LPP: variants seen among roughly 807,000 people sequenced by gnomAD.
LPP encodes LIM domain containing preferred translocation partner in lipoma.
LPP carries 38 observed loss-of-function variants against 60.4 expected under a neutral mutation model. The ratio of observed to expected loss-of-function variants is 0.63; its 90% CI spans 0.49 to 0.83. The LOEUF is 0.83. LPP is among the 40% of genes least tolerant of loss of function. LPP has a pLI of 0.00. For missense variants in LPP, 902 were observed against 783.6 expected, an observed-to-expected ratio of 1.15 and a Z score of -1.80; for synonymous variants, 328 against 290.8, an observed-to-expected ratio of 1.13 and a Z score of -1.30.
At chr3:188,461,071 T>C (rs1210690157) in intron 4 of LPP, among the ~76,000 whole-genome samples, 1 of 152,148 alleles carries the variant, frequency 6.6e-6, no homozygotes, top group Non-Finnish European at 1.5e-5. Context: ...TATGCCAGAA[T>C]ACAGAACTTA....
intron 5 of LPP, among the ~76,000 whole-genome samples, chr3:188,489,762 T>C (rs1807758372): frequency 6.6e-6 from 1 of 152,202 alleles, no homozygotes; most frequent in East Asian, 1.9e-4. Flanking sequence ...TGACATCTGA[T>C]GGCTTTGAAT....
At chr3:188,487,417 T>G (rs1806879140) in intron 5 of LPP, among the ~76,000 whole-genome samples, 1 of 152,194 alleles carries the variant, frequency 6.6e-6, no homozygotes, top group African/African-American at 2.4e-5. Context: ...TTCTGTTAGA[T>G]GTACTCAAGC....
chr3:188,344,335 A>C (rs1206856422), intron 3 of LPP, among the ~76,000 whole-genome samples: 1 of 152,230 alleles, frequency 6.6e-6, no homozygotes, highest in African/African-American at 2.4e-5. Flanking sequence ...AGTAGTTATA[A>C]GTGAAATTAC....
intron 2 of LPP, among the ~76,000 whole-genome samples, chr3:188,227,050 A>G (rs1043868022): frequency 6.6e-6 from 1 of 152,090 alleles, no homozygotes; most frequent in Non-Finnish European, 1.5e-5. Context: ...AGTGTTTATA[A>G]TTAAACTGTG....
In LPP at chr3:188,234,610, A is replaced by G. The variant is rs954429276; in HGVS notation, c.-67+9083A>G. Among the ~76,000 whole-genome samples, 9 of 152,324 alleles carry G rather than the reference A, an allele frequency of 5.9e-5. No homozygotes were observed. In the South Asian group the frequency reaches 1.9e-3, roughly 32 times the overall value. Reference sequence around the variant, plus strand: ...TTTAGAAGCTGATTCTCTGACACAGAGATGGTTAAAAGCTACACATTTGAC... The same window carrying G: ...TTTAGAAGCTGATTCTCTGACACAGGGATGGTTAAAAGCTACACATTTGAC... On this transcript the variant is annotated intron_variant, in intron 2 of 11. Transcript: ENST00000617246.
chr3:188,358,423 A>C (rs1048786078), intron 3 of LPP, among the ~76,000 whole-genome samples: 2 of 152,224 alleles, frequency 1.3e-5, no homozygotes, highest in Non-Finnish European at 2.9e-5. Flanking sequence ...TGAAGGCGAG[A>C]CAACACACAA....
At chr3:188,325,076 G>A (rs1758038240) in intron 2 of LPP, among the ~76,000 whole-genome samples, 1 of 152,028 alleles carries the variant, frequency 6.6e-6, no homozygotes, top group Non-Finnish European at 1.5e-5. Context: ...CACCTTCTGG[G>A]TTCAAGCAAT....
chr3:188,247,948 A>T (rs1414145295), intron 2 of LPP, among the ~76,000 whole-genome samples: 1 of 152,186 alleles, frequency 6.6e-6, no homozygotes, highest in Non-Finnish European at 1.5e-5. Flanking sequence ...ACATATTAAA[A>T]TCTTCAGAGG....
intron 3 of LPP, among the ~76,000 whole-genome samples, chr3:188,392,943 A>G (rs867889888): frequency 2.6e-5 from 4 of 152,144 alleles, no homozygotes; most frequent in African/African-American, 9.7e-5. Context: ...TGTAACCCCA[A>G]TTTAGAAATG....
chr3:188,301,048 A>G (rs1420182043), intron 2 of LPP, among the ~76,000 whole-genome samples: 1 of 151,796 alleles, frequency 6.6e-6, no homozygotes, highest in Non-Finnish European at 1.5e-5. Context: ...CCCTAGTTCC[A>G]TCCTTCCTTT....
At chr3:188,599,793 G>A (rs1840755289) in intron 6 of LPP, among the ~76,000 whole-genome samples, 1 of 88,428 alleles carries the variant, frequency 1.1e-5, no homozygotes, top group South Asian at 3.9e-4. Flanking sequence ...TGTGTGTGGT[G>A]TGTGCTTTAT....
chr3:188,437,642 A>C (rs1459901364), intron 4 of LPP, among the ~76,000 whole-genome samples: 2 of 152,194 alleles, frequency 1.3e-5, no homozygotes, highest in Non-Finnish European at 2.9e-5. Context: ...TTCACTTAAT[A>C]CTACAGAATA....
intron 4 of LPP, among the ~76,000 whole-genome samples, chr3:188,440,213 G>A (rs1256118853): frequency 6.6e-6 from 1 of 152,178 alleles, no homozygotes; most frequent in African/African-American, 2.4e-5. Context: ...TGTTTAGTAT[G>A]TTTGGTAAAT....
At chr3:188,292,397 A>G (rs1746300436) in intron 2 of LPP, among the ~76,000 whole-genome samples, 1 of 152,224 alleles carries the variant, frequency 6.6e-6, no homozygotes, top group Non-Finnish European at 1.5e-5. Context: ...AAGGTGGTCA[A>G]TACCTCTACA....
intron 2 of LPP, among the ~76,000 whole-genome samples, chr3:188,297,701 G>A (rs926128143): frequency 6.6e-6 from 1 of 152,136 alleles, no homozygotes; most frequent in Non-Finnish European, 1.5e-5. Context: ...AAAGGACACT[G>A]GGGCTAGGTT....
At chr3:188,505,759 G>A (rs1579441670) in intron 5 of LPP, among the ~76,000 whole-genome samples, 1 of 152,110 alleles carries the variant, frequency 6.6e-6, no homozygotes, top group East Asian at 1.9e-4. Context: ...CATCATCCTA[G>A]TTCATATCTT....
In LPP at chr3:188,225,542, CA is replaced by C. The variant is rs980641050; in HGVS notation, c.-67+20del. ...TTCCTCAATTGGTGAGTCCCGCACA[CA>C]AAAAGAACACATTTGCCTTTTAAAA... On this transcript the variant is annotated intron_variant, in intron 2 of 11. Coordinates refer to ENST00000617246, the MANE Select transcript of LPP (RefSeq NM_001375462.1). 8 of 152,282 alleles carry C rather than the reference CA, an allele frequency of 5.3e-5. No homozygotes were observed. Among genetic ancestry groups the C allele is most frequent in the African/African-American group, 1.4e-4 (6 of 41,562 alleles). 9.4% of individuals were successfully genotyped at this position (152,282 alleles called of 1,614,324 possible). A position where few individuals can be genotyped will look rare whatever the true frequency, so the allele number is the denominator to read the frequency against.
intron 4 of LPP, among the ~76,000 whole-genome samples, chr3:188,475,865 T>C (rs1560452605): frequency 6.6e-6 from 1 of 152,198 alleles, no homozygotes; most frequent in Non-Finnish European, 1.5e-5. Flanking sequence ...ATTGCGCCAC[T>C]GCAGTCCAGC....
intron 4 of LPP, among the ~76,000 whole-genome samples, chr3:188,483,014 G>T (rs1387115099): frequency 6.6e-6 from 1 of 152,180 alleles, no homozygotes; most frequent in African/African-American, 2.4e-5. Flanking sequence ...CAGAGATATT[G>T]ATGAACTCTA....
Sources: allele counts gnomAD v4.1 joint callset (sites outside exome capture counted in the v4.1 genomes callset), GRCh38; gene constraint gnomAD v4.1.1; transcripts MANE v1.5; gene names NCBI Gene and HGNC (gene_info 2026-07-23, HGNC 2026-07-21).